Variants in GCG observed in about 807,000 individuals in gnomAD.
GCG encodes pro-glucagon.
A neutral mutation model predicts 22.8 loss-of-function variants in GCG; 11 were observed. The observed-to-expected ratio is 0.48, with a 90% CI of 0.30 to 0.80. The LOEUF (loss-of-function observed/expected upper bound fraction) is 0.80. GCG is among the 30% of genes least tolerant of loss of function. GCG has a pLI of 0.06. For missense variants in GCG, 222 were observed against 222.0 expected (o/e 1.00, Z 0.00); for synonymous variants, 89 against 72.4 (o/e 1.23, Z -1.16).
At chr2:162,148,566 G>T (rs931727745) in intron 2 of GCG, among the ~76,000 whole-genome samples, 2 of 152,022 alleles carry the variant, frequency 1.3e-5, no homozygotes, top group African/African-American at 4.8e-5. Context: ...TGAGCCAAGA[G>T]ATATTTATGT....
chr2:162,145,837 A>C (rs1686670046), intron 3 of GCG, among the ~76,000 whole-genome samples, 160 bp from the exon 4 acceptor site: 1 of 152,106 alleles, frequency 6.6e-6, no homozygotes, highest in South Asian at 2.1e-4. Context: ...AGCTACATTA[A>C]TGTTCTGGAT....
chr2:162,145,499 C>T, intron 4 of GCG, 41 bp downstream of exon 4: 3 of 1,548,924 alleles, frequency 1.9e-6, no homozygotes, highest in Non-Finnish European at 2.6e-6. Flanking sequence ...AAATTTTCTG[C>T]ATCAAGGCAA....
chr2:162,147,452 C>T lies in GCG; in HGVS notation c.155G>A (p.Arg52His), dbSNP rs763266605. ...ACTGGTGAATGTGCCCTGTGAATGG[C>T]GCTTGTCCTCGTTCATCTGATCAGG... Reference protein sequence around the residue: ...SDPDQMNEDKRHSQGTFTSDY... With the variant: ...SDPDQMNEDKHHSQGTFTSDY... The change falls in exon 3 of 6, where the codon CGC becomes CAC. Residue 52 changes from arginine (R) to histidine (H), a missense_variant. By Grantham distance (29) the Arg-to-His change is conservative. Transcript: ENST00000418842. 1.7e-5 allele frequency: 28 copies of T among 1,612,946 alleles called. No homozygotes were observed. The highest frequency in any genetic ancestry group is 2.7e-5 in the African/African-American group (2 of 74,828).
intron 3 of GCG, among the ~76,000 whole-genome samples, chr2:162,146,278 T>G (rs998418332): frequency 6.6e-6 from 1 of 152,154 alleles, no homozygotes; most frequent in African/African-American, 2.4e-5. Context: ...CACCTCATTT[T>G]AAACACATAG....
chr2:162,149,197 C>T lies in GCG; in HGVS notation c.-9-10G>A. Reference sequence around the variant, plus strand: ...TTTTCATTTCTGCTGTCTGTCAGAACACAGAATGGGGGTAGGGTGAGGGGG... The same window carrying T: ...TTTTCATTTCTGCTGTCTGTCAGAATACAGAATGGGGGTAGGGTGAGGGGG... On this transcript the variant is annotated splice_polypyrimidine_tract_variant and intron_variant, in intron 1 of 5. Coordinates refer to ENST00000418842, the MANE Select transcript of GCG (RefSeq NM_002054.5). 1 of 1,537,444 alleles carries T rather than the reference C, an allele frequency of 6.5e-7. No homozygotes were observed. The highest frequency in any genetic ancestry group is 9.0e-7 in the Non-Finnish European group (1 of 1,112,020).
intron 4 of GCG, 36 bp from the exon 5 acceptor site, chr2:162,144,206 G>C (rs1250344855): frequency 2.6e-6 from 4 of 1,524,252 alleles, no homozygotes; most frequent in Non-Finnish European, 3.6e-6. Context: ...CGTTTGATTA[G>C]ATATTTTCAA....
chr2:162,147,302 A>G, intron 3 of GCG, 51 bp downstream of exon 3: 1 of 1,329,870 alleles, frequency 7.5e-7, no homozygotes, highest in Non-Finnish European at 1.1e-6. Context: ...GAAATTTTAG[A>G]CCTATTTAAT....
chr2:162,149,118 G>T lies in GCG; in HGVS notation c.61C>A (p.Arg21Ser). The T allele has an allele frequency of 6.2e-7, 1 of 1,611,412 alleles. No individual in the cohort carries two copies. The highest frequency in any genetic ancestry group is 8.5e-7 in the Non-Finnish European group (1 of 1,177,934). ...FVMLVQGSWQ[R>S]SLQDTEEKSR... ...TTCTCCTCTGTGTCTTGAAGGGAAC[G>T]TTGCCAGCTGCCTTGTACCAGCATT... The change falls in exon 2 of 6, where the codon CGT becomes AGT. Residue 21 changes from arginine to serine, a missense_variant. Coordinates refer to ENST00000418842, the MANE Select transcript of GCG (RefSeq NM_002054.5).
intron 5 of GCG, 116 bp downstream of exon 5, chr2:162,143,911 C>T (rs1686615943): frequency 1.3e-6 from 1 of 791,832 alleles, no homozygotes. Flanking sequence ...ATAATTATTT[C>T]CTATATAATA....
At chr2:162,149,639 GC>G (rs1686785201) in intron 1 of GCG, among the ~76,000 whole-genome samples, 1 of 152,010 alleles carries the variant, frequency 6.6e-6, no homozygotes, top group South Asian at 2.1e-4. Flanking sequence ...ACATTATACT[GC>G]ATTTCAACCA....
intron 2 of GCG, among the ~76,000 whole-genome samples, chr2:162,148,808 A>G (rs1264893031): frequency 3.9e-5 from 6 of 152,136 alleles, no homozygotes. Flanking sequence ...GCAGTGTGTG[A>G]GTAATGAATT....
At chr2:162,145,722 A>C in intron 3 of GCG, 45 bp from the exon 4 acceptor site, 1 of 1,577,468 alleles carries the variant, frequency 6.3e-7, no homozygotes, top group Non-Finnish European at 8.7e-7. Flanking sequence ...TCTCTTTGGC[A>C]ATATGGTTCT....
intron 3 of GCG, 119 bp from the exon 4 acceptor site, chr2:162,145,796 G>T: frequency 1.4e-6 from 1 of 699,002 alleles, no homozygotes; most frequent in South Asian, 2.3e-5. Context: ...GGGAGTTTAG[G>T]AGATGAGGGT....
At position 162,147,525 on chromosome 2, in the gene GCG, C is replaced by T. The variant is rs1686720552; in HGVS notation, c.93-11G>A. On this transcript the variant is annotated splice_polypyrimidine_tract_variant and intron_variant, in intron 2 of 5. Coordinates refer to ENST00000418842, the MANE Select transcript of GCG (RefSeq NM_002054.5). ...GAAGCTGAGAATGATCTGTGAAGAA[C>T]AGTGATTGGTACAACATAAATCTCT... is the stretch of plus-strand genomic sequence containing the variant. The T allele has an allele frequency of 3.1e-6, 5 of 1,612,036 alleles. No individual in the cohort carries two copies. Among genetic ancestry groups the T allele is most frequent in the Non-Finnish European group, 4.2e-6 (5 of 1,178,388 alleles).
At chr2:162,143,406 TATA>T (rs1411658469) in intron 5 of GCG, 36 bp from the exon 6 acceptor site, 1 of 805,552 alleles carries the variant, frequency 1.2e-6, no homozygotes, top group African/African-American at 1.7e-5. Context: ...TTAACATAAT[TATA>T]ATAAGATGAT....
chr2:162,143,937 T>G (rs761533159), intron 5 of GCG, 90 bp downstream of exon 5: 2 of 1,034,226 alleles, frequency 1.9e-6, no homozygotes. Context: ...TTATAGACTT[T>G]CCCCCTACAT....
chr2:162,150,108 C>T (rs954069707), intron 1 of GCG, among the ~76,000 whole-genome samples: 1 of 152,046 alleles, frequency 6.6e-6, no homozygotes, highest in Non-Finnish European at 1.5e-5. Context: ...GCAGTGTCGA[C>T]GGGGACTGGG....
At chr2:162,143,591 T>TA (rs898334593) in intron 5 of GCG, among the ~76,000 whole-genome samples, 11 of 152,266 alleles carry the variant, frequency 7.2e-5, no homozygotes, top group Admixed American at 6.5e-4. Flanking sequence ...GAATAATTAT[T>TA]AAAAAATCAA....
chr2:162,149,869 C>T (rs963257060), intron 1 of GCG, among the ~76,000 whole-genome samples: 2 of 151,946 alleles, frequency 1.3e-5, no homozygotes, highest in Non-Finnish European at 2.9e-5. Flanking sequence ...CTTCTGGCAA[C>T]GTGAACAATC....
Sources: allele counts gnomAD v4.1 joint callset (sites outside exome capture counted in the v4.1 genomes callset), GRCh38; gene constraint gnomAD v4.1.1; transcripts MANE v1.5; gene names NCBI Gene and HGNC (gene_info 2026-07-23, HGNC 2026-07-21).